The following CYB561A3 variants were observed in gnomAD, a reference collection of about 807,000 sequenced individuals.
CYB561A3 encodes the protein cytochrome b561 family member A3, also known as lysosomal membrane ascorbate-dependent ferrireductase CYB561A3.
In CYB561A3, 16 loss-of-function variants were observed where a neutral mutation model predicts 25.3. The ratio of observed to expected loss-of-function variants is 0.63; its 90% CI spans 0.43 to 0.96. CYB561A3 has a LOEUF of 0.96. CYB561A3 is among the 40% of genes least tolerant of loss of function. The pLI is 0.00. For missense variants in CYB561A3, 219 were observed against 307.5 expected (o/e 0.71, Z 2.15); for synonymous variants, 131 against 129.9 (o/e 1.01, Z -0.06).
At chr11:61,354,276 G>A in intron 3 of CYB561A3, 1 of 454,772 alleles carries the variant, frequency 2.2e-6, no homozygotes. Flanking sequence ...AGGACTGCTT[G>A]AGGCCAGGAG....
Position 61,349,334 on chromosome 11 carries a change from G to A in CYB561A3, c.*1065C>T. On this transcript the variant is annotated 3_prime_UTR_variant, in exon 7 of 7. Coordinates refer to ENST00000294072, the MANE Select transcript of CYB561A3 (RefSeq NM_153611.6). ...CTCTGAAGGTGGCAGTGGCTCCCAG[G>A]GCTGCTGCACACTGGACACCACAAC... is the stretch of plus-strand genomic sequence containing the variant. 1 of 542,064 alleles carries A rather than the reference G, an allele frequency of 1.8e-6. No individual in the cohort carries two copies. The highest frequency in any genetic ancestry group is 3.4e-6 in the Non-Finnish European group (1 of 298,376). 33.6% of individuals were successfully genotyped at this position (542,064 alleles called of 1,614,324 possible).
rs1554967908 is a variant in CYB561A3 at position 61,356,736 on chromosome 11, A to G, written c.-15-8T>C. Reference sequence around the variant, plus strand: ...CATTCTGATCACGCACTCCTAGAAGAAGGAGAAGTCACAAATCTCCACTGG... The same window carrying G: ...CATTCTGATCACGCACTCCTAGAAGGAGGAGAAGTCACAAATCTCCACTGG... On this transcript the variant is annotated splice_polypyrimidine_tract_variant and splice_region_variant and intron_variant, in intron 2 of 6. Coordinates refer to ENST00000294072, the MANE Select transcript of CYB561A3 (RefSeq NM_153611.6). 2 of 1,611,706 alleles carry G rather than the reference A, an allele frequency of 1.2e-6. No individual in the cohort carries two copies. Among genetic ancestry groups the G allele is most frequent in the East Asian group, 2.2e-5 (1 of 44,824 alleles).
intron 5 of CYB561A3, 65 bp from the exon 6 acceptor site, chr11:61,351,212 A>G (rs1857391198): frequency 8.0e-6 from 12 of 1,503,074 alleles, no homozygotes; most frequent in Non-Finnish European, 8.9e-6. Context: ...CTAGTGGGAG[A>G]CTCGATGTCA....
At chr11:61,361,563 G>C (rs928231546) in intron 1 of CYB561A3, among the ~76,000 whole-genome samples, 170 bp downstream of exon 1, 4 of 152,132 alleles carry the variant, frequency 2.6e-5, no homozygotes, top group Admixed American at 2.0e-4. Context: ...AAGAGCTTTC[G>C]TGCCTTTATA....
At chr11:61,350,506 C>A in intron 6 of CYB561A3, 84 bp from the exon 7 acceptor site, 1 of 1,547,998 alleles carries the variant, frequency 6.5e-7, no homozygotes. Flanking sequence ...AGACCCCCAG[C>A]CTGCAGGGTG....
At chr11:61,361,322 G>A (rs1050016013) in intron 1 of CYB561A3, 1 of 152,194 alleles carries the variant, frequency 6.6e-6, no homozygotes, top group Admixed American at 6.5e-5. Flanking sequence ...CGGAACATGA[G>A]GAGTGAAGGG....
intron 2 of CYB561A3, chr11:61,357,126 G>A (rs781536094): frequency 1.2e-4 from 182 of 1,512,822 alleles, no homozygotes; most frequent in Non-Finnish European, 1.5e-4. Context: ...GCTAAATTAC[G>A]CAAACACCCA....
chr11:61,356,998 C>T, intron 2 of CYB561A3: 1 of 1,469,682 alleles, frequency 6.8e-7, no homozygotes, highest in East Asian at 2.5e-5. Flanking sequence ...CTGGCGAAGG[C>T]CAGATGCCAA....
intron 2 of CYB561A3, 37 bp downstream of exon 2, chr11:61,357,695 CA>C (rs1478951161): frequency 2.5e-5 from 4 of 163,076 alleles, no homozygotes; most frequent in Non-Finnish European, 5.4e-5. Context: ...AGCTAATAGC[CA>C]ATAGCCCCCA....
At chr11:61,357,273 A>G (rs1857684975) in intron 2 of CYB561A3, 1 of 1,544,760 alleles carries the variant, frequency 6.5e-7, no homozygotes, top group Non-Finnish European at 8.7e-7. Context: ...TTCACTGGAG[A>G]GGTAACCAGG....
chr11:61,359,469 T>A (rs1016427448), intron 1 of CYB561A3: 3 of 152,010 alleles, frequency 2.0e-5, no homozygotes, highest in Non-Finnish European at 4.4e-5. Context: ...GAGATCTTGA[T>A]CAGCAGGCTC....
At chr11:61,357,110 A>C in intron 2 of CYB561A3, 1 of 1,496,120 alleles carries the variant, frequency 6.7e-7, no homozygotes, top group Non-Finnish European at 9.1e-7. Flanking sequence ...AGGAATCAAA[A>C]TCCAGGCTAA....
chr11:61,350,519 C>A, intron 6 of CYB561A3, 97 bp from the exon 7 acceptor site: 2 of 1,495,260 alleles, frequency 1.3e-6, no homozygotes, highest in South Asian at 2.4e-5. Context: ...GCAGGGTGGT[C>A]CCCATCCAAG....
intron 2 of CYB561A3, chr11:61,357,064 G>T: frequency 7.0e-7 from 1 of 1,424,272 alleles, no homozygotes; most frequent in Non-Finnish European, 9.6e-7. Flanking sequence ...AGAAGGTAAA[G>T]AATTACCACC....
chr11:61,359,127 G>C (rs903729606), intron 1 of CYB561A3: 1 of 152,008 alleles, frequency 6.6e-6, no homozygotes, highest in Non-Finnish European at 1.5e-5. Context: ...GGGAGGCTGA[G>C]GCAGGAGAAT....
At position 61,349,665 on chromosome 11, in the gene CYB561A3, G is replaced by A. The variant is rs774014018; in HGVS notation, c.*734C>T. ...GCAGCTGGAAGAGGTGGAGCCGCAC[G>A]GTCACAATACATGCAGACACAGAGC... On this transcript the variant is annotated 3_prime_UTR_variant, in exon 7 of 7. Transcript: ENST00000294072. The A allele has an allele frequency of 4.3e-5, 30 of 702,534 alleles. No individual in the cohort carries two copies. The highest frequency in any genetic ancestry group is 1.2e-4 in the South Asian group (8 of 67,560). 43.5% of individuals were successfully genotyped at this position (702,534 alleles called of 1,614,324 possible). A position where few individuals can be genotyped will look rare whatever the true frequency, so the allele number is the denominator to read the frequency against.
At chr11:61,354,286 G>A (rs1356762354) in intron 3 of CYB561A3, 2 of 434,790 alleles carry the variant, frequency 4.6e-6, no homozygotes, top group African/African-American at 2.0e-5. Context: ...GAGGCCAGGA[G>A]TTTGAGGTTA....
chr11:61,357,210 AG>A, intron 2 of CYB561A3: 5 of 1,551,548 alleles, frequency 3.2e-6, no homozygotes, highest in Non-Finnish European at 2.6e-6. Context: ...TACCCTAGAC[AG>A]GAAGGAGTCA....
intron 3 of CYB561A3, 94 bp downstream of exon 3, chr11:61,356,436 G>GAC: frequency 1.3e-6 from 1 of 797,144 alleles, no homozygotes; most frequent in Non-Finnish European, 1.8e-6. Flanking sequence ...ATAGCCCCAA[G>GAC]CCCAACATTT....
Sources: gnomAD v4.1 joint callset for allele counts (sites outside exome capture counted in the v4.1 genomes callset) on GRCh38, gnomAD v4.1.1 for gene constraint, MANE v1.5 for transcripts, NCBI Gene and HGNC (gene_info 2026-07-23, HGNC 2026-07-21) for gene names.